DNAH14: variants seen among roughly 807,000 people sequenced by gnomAD.
DNAH14 encodes dynein axonemal heavy chain 14.
DNAH14 carries 478 observed loss-of-function variants against 520.9 expected under a neutral mutation model. That is an observed-to-expected ratio of 0.92 (90% CI 0.85 to 0.99). The LOEUF is 0.99. Among genes scored for constraint, DNAH14 ranks in the 50% least tolerant of loss-of-function variants. DNAH14 has a pLI of 0.00. For synonymous variants in DNAH14, 1,581 were observed against 1,757.2 expected (o/e 0.90, Z 2.51); for missense variants, 4,831 against 5,234.5 (o/e 0.92, Z 2.38).
At chr1:225,381,190 T>C (rs1363237555) in intron 80 of DNAH14, among the ~76,000 whole-genome samples, 193 bp from the exon 81 acceptor site, 2 of 152,136 alleles carry the variant, frequency 1.3e-5, no homozygotes, top group African/African-American at 4.8e-5. Context: ...AGGGGAGAGC[T>C]GAGTAGCTTT....
At chr1:225,137,253 T>TTGTGGG (rs1001064517) in intron 27 of DNAH14, among the ~76,000 whole-genome samples, 1 of 152,212 alleles carries the variant, frequency 6.6e-6, no homozygotes, top group Non-Finnish European at 1.5e-5. Context: ...ATTTATTCCT[T>TTGTGGG]CTCATCTTTG....
intron 69 of DNAH14, among the ~76,000 whole-genome samples, chr1:225,344,436 G>A (rs1180213953): frequency 6.6e-6 from 1 of 151,996 alleles, no homozygotes; most frequent in African/African-American, 2.4e-5. Context: ...GTGTCCATGT[G>A]TTCTCATCAT....
rs57331050 is a variant in DNAH14 at position 225,008,575 on chromosome 1, C to CT, written c.1107+1054dup. Among the ~76,000 whole-genome samples the CT allele has an allele frequency of 7.9e-3, 775 of 98,322 alleles. 32 individuals are homozygous for CT. Among genetic ancestry groups the CT allele is most frequent in the African/African-American group, 0.03 (717 of 24,088 alleles). 64.5% of individuals were successfully genotyped at this position (98,322 alleles called of 152,430 possible). A position where few individuals can be genotyped will look rare whatever the true frequency, so the allele number is the denominator to read the frequency against. ...CTCTATAGCATCTGTTTTTTCCTGACTTTTTTTTTTTTTTTTTTTTTTTGT... is the reference window on the plus strand; with the variant it reads ...CTCTATAGCATCTGTTTTTTCCTGACTTTTTTTTTTTTTTTTTTTTTTTTGT... On this transcript the variant is annotated intron_variant, in intron 10 of 85. Transcript: ENST00000682510.
intron 57 of DNAH14, 121 bp from the exon 58 acceptor site, chr1:225,304,787 C>G (rs2150089897): frequency 2.1e-6 from 2 of 975,010 alleles, no homozygotes; most frequent in Admixed American, 3.4e-5. Flanking sequence ...CGGGAGCTCT[C>G]TCTACATCTC....
chr1:225,188,959 C>G, intron 37 of DNAH14, among the ~76,000 whole-genome samples: 1 of 151,798 alleles, frequency 6.6e-6, no homozygotes, highest in East Asian at 1.9e-4. Flanking sequence ...TGATTTCAGT[C>G]TTTCTCCAAT....
intron 21 of DNAH14, among the ~76,000 whole-genome samples, chr1:225,086,874 A>C (rs768465176): frequency 2.6e-5 from 4 of 152,206 alleles, no homozygotes; most frequent in Non-Finnish European, 4.4e-5. Context: ...CAAACCTGTC[A>C]CAATTGGCTA....
At chr1:224,998,478 G>A (rs1258326934) in intron 8 of DNAH14, among the ~76,000 whole-genome samples, 1 of 152,070 alleles carries the variant, frequency 6.6e-6, no homozygotes, top group African/African-American at 2.4e-5. Flanking sequence ...TTTTCATTCA[G>A]TTCACTGAAT....
Position 225,156,350 on chromosome 1 carries a change from A to G in DNAH14, c.5273+2524A>G, listed in dbSNP as rs2081038989. 2.0e-5 allele frequency among the ~76,000 whole-genome samples: 3 copies of G among 152,184 alleles called. 1 individual carries two copies. The highest frequency in any genetic ancestry group is 4.4e-5 in the Non-Finnish European group (3 of 68,034). On this transcript the variant is annotated intron_variant, in intron 34 of 85. Transcript: ENST00000682510. ...CACAGGACCTGCGGCCAGAAGTCTG[A>G]CATCCAGGTTGTGGGCAGGGTTGCT...
chr1:225,168,265 T>A (rs1272340626), intron 36 of DNAH14, among the ~76,000 whole-genome samples: 1 of 152,202 alleles, frequency 6.6e-6, no homozygotes, highest in Non-Finnish European at 1.5e-5. Flanking sequence ...GATTTCTGCA[T>A]TTCCAACTGA....
In DNAH14 at chr1:225,080,380, T is replaced by C. The variant is rs1273928724; in HGVS notation, c.2768T>C (p.Ile923Thr). Residue 923 changes from isoleucine to threonine, a missense_variant and splice_region_variant, in exon 19 of 86, where the codon ATA becomes ACA. Transcript: ENST00000682510. ...GAAAGTCCTACTCTTATTTTTTAGA[T>C]AAGAACTCCTCTTCTGTTATGTGCT... Reference protein sequence around the residue: ...HVDVGNLKAKIRTPLLLCAGT... With the variant: ...HVDVGNLKAKTRTPLLLCAGT... 13 of 1,519,146 alleles carry C rather than the reference T, an allele frequency of 8.6e-6. 1 individual carries two copies. The East Asian group carries it at 3.2e-4, about 37-fold the overall frequency. 94.1% of individuals were successfully genotyped at this position (1,519,146 alleles called of 1,614,324 possible).
chr1:225,303,428 A>G, intron 57 of DNAH14, 81 bp downstream of exon 57: 2 of 1,250,240 alleles, frequency 1.6e-6, no homozygotes, highest in Non-Finnish European at 2.2e-6. Context: ...AACAAACCCT[A>G]GATGGACAAA....
At chr1:224,960,075 T>A in intron 3 of DNAH14, 78 bp from the exon 4 acceptor site, 2 of 1,354,904 alleles carry the variant, frequency 1.5e-6, no homozygotes, top group Non-Finnish European at 2.0e-6. Flanking sequence ...ATTAACTGTA[T>A]TGCTGGGTAT....
intron 27 of DNAH14, among the ~76,000 whole-genome samples, chr1:225,129,877 AG>A (rs1392784066): frequency 6.6e-6 from 1 of 152,236 alleles, no homozygotes; most frequent in African/African-American, 2.4e-5. Context: ...CAGAGTGAAT[AG>A]GCAATCCACA....
intron 17 of DNAH14, among the ~76,000 whole-genome samples, chr1:225,074,447 G>T (rs573336242): frequency 2.0e-5 from 3 of 152,344 alleles, no homozygotes; most frequent in Non-Finnish European, 4.4e-5. Context: ...TAGAGAAGCT[G>T]TGCTGTGCTG....
Position 225,058,818 on chromosome 1 carries a change from A to C in DNAH14, c.2424+7023A>C, listed in dbSNP as rs1276037439. ...GTAGTCATTCAGGAGCAGGTTGTTCAGTTTCCATGTGGTTGAGCGGTTTTG... is the reference window on the plus strand; with the variant it reads ...GTAGTCATTCAGGAGCAGGTTGTTCCGTTTCCATGTGGTTGAGCGGTTTTG... On this transcript the variant is annotated intron_variant, in intron 17 of 85. Transcript: ENST00000682510. Among the ~76,000 whole-genome samples, 4 of 152,126 alleles carry C rather than the reference A, an allele frequency of 2.6e-5. No individual in the cohort carries two copies. In the South Asian group the frequency reaches 6.2e-4, roughly 24 times the overall value.
intron 84 of DNAH14, among the ~76,000 whole-genome samples, chr1:225,393,315 G>A (rs1380732891): frequency 1.3e-5 from 2 of 152,136 alleles, no homozygotes; most frequent in African/African-American, 4.8e-5. Context: ...GAAATGCATC[G>A]TTAAGAGTGT....
At chr1:225,141,604 G>C (rs2079471218) in intron 28 of DNAH14, among the ~76,000 whole-genome samples, 1 of 151,622 alleles carries the variant, frequency 6.6e-6, no homozygotes, top group Admixed American at 6.6e-5. Flanking sequence ...TTTCTGCTTT[G>C]TCTTCCTGAC....
chr1:225,330,182 G>A (rs2094764027), intron 64 of DNAH14, among the ~76,000 whole-genome samples: 1 of 152,098 alleles, frequency 6.6e-6, no homozygotes, highest in East Asian at 1.9e-4. Context: ...TGGAGAAAAG[G>A]GAACCCTTAT....
At chr1:225,120,520 G>A (rs943997009) in intron 26 of DNAH14, among the ~76,000 whole-genome samples, 1 of 152,222 alleles carries the variant, frequency 6.6e-6, no homozygotes, top group Non-Finnish European at 1.5e-5. Flanking sequence ...TCAGGAAAGG[G>A]CTGTTGCCGG....
Sources: gnomAD v4.1 joint callset for allele counts (sites outside exome capture counted in the v4.1 genomes callset) on GRCh38, gnomAD v4.1.1 for gene constraint, MANE v1.5 for transcripts, NCBI Gene and HGNC (gene_info 2026-07-23, HGNC 2026-07-21) for gene names.